Variants in EDA observed in about 807,000 individuals in gnomAD.
EDA encodes ectodysplasin A.
Under a neutral mutation model 23.6 loss-of-function variants are expected in EDA, and 2 were observed. The ratio of observed to expected loss-of-function variants is 0.08; its 90% CI spans 0.03 to 0.27. The LOEUF is 0.27. Among genes scored for constraint, EDA ranks in the 10% least tolerant of loss-of-function variants. The pLI, the probability that EDA is intolerant of heterozygous loss-of-function variation, is 1.00. For missense variants in EDA, 229 were observed against 324.2 expected, an observed-to-expected ratio of 0.71 and a Z score of 2.26; for synonymous variants, 131 against 132.0, an observed-to-expected ratio of 0.99 and a Z score of 0.05.
Position 70,039,353 on chromosome X carries a change from T to C in EDA, c.*3744T>C, listed in dbSNP as rs2020302928. On this transcript the variant is annotated 3_prime_UTR_variant, in exon 8 of 8. Transcript: ENST00000374552. Reference sequence around the variant, plus strand: ...CCAATGCTGCTTTTGGGGGTCAGCATCCAGTGTGAGATACTGTGTATATAA... The same window carrying C: ...CCAATGCTGCTTTTGGGGGTCAGCACCCAGTGTGAGATACTGTGTATATAA... The C allele has an allele frequency of 8.9e-6, 1 of 112,276 alleles. No homozygotes were observed. The highest frequency in any genetic ancestry group is 1.9e-5 in the Non-Finnish European group (1 of 53,222). The allele number at this position is 112,276 out of a possible 1,213,427, so 9.3% of individuals were successfully genotyped here. A position where few individuals can be genotyped will look rare whatever the true frequency, so the allele number is the denominator to read the frequency against.
intron 1 of EDA, among the ~76,000 whole-genome samples, chrX:69,822,298 A>G (rs1359797484): frequency 9.0e-6 from 1 of 111,094 alleles, no homozygotes; most frequent in Non-Finnish European, 1.9e-5. Context: ...CTCTAAAAAA[A>G]TTAAAGAAAA....
At chrX:69,780,959 G>A (rs1372573392) in intron 1 of EDA, among the ~76,000 whole-genome samples, 1 of 111,776 alleles carries the variant, frequency 8.9e-6, no homozygotes, top group Non-Finnish European at 1.9e-5. Context: ...CTATAGATTT[G>A]TCTATGATGT....
intron 2 of EDA, among the ~76,000 whole-genome samples, chrX:70,016,660 A>G (rs770798681): frequency 8.9e-6 from 1 of 111,982 alleles, no homozygotes; most frequent in South Asian, 3.7e-4. Flanking sequence ...AGAAACCAAG[A>G]AATTCTTTGA....
At chrX:69,909,373 C>T (rs186692237) in intron 1 of EDA, among the ~76,000 whole-genome samples, 366 of 112,370 alleles carry the variant, frequency 3.3e-3, no homozygotes, top group Middle Eastern at 9.2e-3. Flanking sequence ...CTCATCTCAG[C>T]TCACAGCAAC....
intron 1 of EDA, among the ~76,000 whole-genome samples, chrX:69,927,070 G>A (rs5980670): frequency 0.3 from 33,133 of 110,011 alleles, 4,259 homozygotes; most frequent in East Asian, 0.94. Context: ...TGGGTCTCCC[G>A]AATACAGCAC....
intron 1 of EDA, among the ~76,000 whole-genome samples, chrX:69,916,349 A>C (rs1323473015): frequency 9.8e-6 from 1 of 102,012 alleles, no homozygotes; most frequent in Non-Finnish European, 2.0e-5. Flanking sequence ...GAAATTTTCT[A>C]TTTTGGTACA....
At chrX:69,978,318 TAAAAAAAAA>T (rs144187734) in intron 2 of EDA, among the ~76,000 whole-genome samples, 3 of 20,420 alleles carry the variant, frequency 1.5e-4, no homozygotes, top group Non-Finnish European at 4.4e-4. Flanking sequence ...ACTCCATCTC[TAAAAAAAAA>T]AAAAAAAAAA....
At chrX:69,941,179 T>A (rs1181583412) in intron 1 of EDA, among the ~76,000 whole-genome samples, 2 of 112,117 alleles carry the variant, frequency 1.8e-5, no homozygotes. Flanking sequence ...ACTTCTCTTG[T>A]GGCCTAACAT....
Position 70,023,249 on chromosome X carries a change from C to G in EDA, c.526+8C>G, listed in dbSNP as rs1483182038. On this transcript the variant is annotated splice_region_variant and intron_variant, in intron 3 of 7. Coordinates refer to ENST00000374552, the MANE Select transcript of EDA (RefSeq NM_001399.5). The stretch of plus-strand genomic sequence containing the variant: ...TTAAAAACAAGAAAAAGGGTAAGTT[C>G]CTGACTTTATAAAATTGCTGTCTTG... 1.8e-6 allele frequency: 2 copies of G among 1,110,610 alleles called. No individual in the cohort carries two copies. The highest frequency in any genetic ancestry group is 2.5e-6 in the Non-Finnish European group (2 of 810,536). 91.5% of individuals were successfully genotyped at this position (1,110,610 alleles called of 1,213,427 possible).
intron 1 of EDA, among the ~76,000 whole-genome samples, chrX:69,835,312 C>A (rs2016743743): frequency 8.9e-6 from 1 of 111,945 alleles, no homozygotes; most frequent in African/African-American, 3.2e-5. Flanking sequence ...GAGTGTTTTC[C>A]AACTTGGTTC....
At chrX:69,908,813 G>A (rs2018215740) in intron 1 of EDA, among the ~76,000 whole-genome samples, 1 of 109,812 alleles carries the variant, frequency 9.1e-6, no homozygotes, top group Non-Finnish European at 1.9e-5. Context: ...CTTAGTTTAG[G>A]ACAATTTTCT....
At position 69,648,460 on chromosome X, in the gene EDA, G is replaced by A. The variant is rs140649580; in HGVS notation, c.396+31756G>A. 4.1e-3 allele frequency among the ~76,000 whole-genome samples: 466 copies of A among 112,505 alleles called. 2 individuals carry two copies. The highest frequency in any genetic ancestry group is 0.014 in the African/African-American group (433 of 30,983). On this transcript the variant is annotated intron_variant, in intron 1 of 7. Coordinates refer to ENST00000374552, the MANE Select transcript of EDA (RefSeq NM_001399.5). ...ATGGATCAGGGTCCCACTTAAAGAAGTAGTCTGGCACTGATCTGGCAAGGC... is the reference window on the plus strand; with the variant it reads ...ATGGATCAGGGTCCCACTTAAAGAAATAGTCTGGCACTGATCTGGCAAGGC...
At chrX:69,728,519 T>C (rs775032161) in intron 1 of EDA, among the ~76,000 whole-genome samples, 23 of 112,184 alleles carry the variant, frequency 2.1e-4, no homozygotes, top group African/African-American at 7.4e-4. Flanking sequence ...TCAAATATAA[T>C]TTGGCATGGC....
chrX:69,925,783 C>CTTT (rs147114575), intron 1 of EDA, among the ~76,000 whole-genome samples: 9 of 82,584 alleles, frequency 1.1e-4, no homozygotes, highest in Non-Finnish European at 1.6e-4. Context: ...TGGTCCTGGG[C>CTTT]TTTTTTTTTT....
intron 1 of EDA, among the ~76,000 whole-genome samples, chrX:69,703,584 A>C (rs915752797): frequency 6.2e-5 from 7 of 112,429 alleles, no homozygotes; most frequent in Non-Finnish European, 1.1e-4. Flanking sequence ...AAATGAGGCC[A>C]GGGCAGGGGT....
chrX:69,791,527 AG>A (rs2015404832), intron 1 of EDA, among the ~76,000 whole-genome samples: 1 of 112,397 alleles, frequency 8.9e-6, no homozygotes, highest in Admixed American at 9.4e-5. Flanking sequence ...GTAGAAAATA[AG>A]TGTGATATTC....
chrX:69,728,175 C>T (rs141506134), intron 1 of EDA, among the ~76,000 whole-genome samples: 1,496 of 106,156 alleles, frequency 0.014, 20 homozygotes, highest in African/African-American at 0.047. Context: ...AACAAGGAGG[C>T]GGAGGTTTCG....
At chrX:69,751,866 T>G (rs1461306190) in intron 1 of EDA, among the ~76,000 whole-genome samples, 1 of 108,202 alleles carries the variant, frequency 9.2e-6, no homozygotes, top group Non-Finnish European at 1.9e-5. Flanking sequence ...AACAGAATCC[T>G]GTTCTGTTAT....
At chrX:69,887,231 C>A (rs965934737) in intron 1 of EDA, among the ~76,000 whole-genome samples, 1 of 111,590 alleles carries the variant, frequency 9.0e-6, no homozygotes, top group South Asian at 3.8e-4. Flanking sequence ...ATTACTTGAA[C>A]CCAGGAGGTA....
Sources: gnomAD v4.1 joint callset for allele counts (sites outside exome capture counted in the v4.1 genomes callset) on GRCh38, gnomAD v4.1.1 for gene constraint, MANE v1.5 for transcripts, NCBI Gene and HGNC (gene_info 2026-07-23, HGNC 2026-07-21) for gene names.